ZNF718: variants seen among roughly 807,000 people sequenced by gnomAD.
The protein encoded by ZNF718 is zinc finger protein 718.
A neutral mutation model predicts 2.6 loss-of-function variants in ZNF718; 3 were observed. That is an observed-to-expected ratio of 1.16 (90% CI 0.53 to 3.01). ZNF718 has a LOEUF of 3.01. Ranked by LOEUF, ZNF718 falls within the 30% of genes most tolerant of loss-of-function variation. The pLI is 0.03. For missense variants in ZNF718, 468 were observed against 230.0 expected (o/e 2.03, Z -6.69); for synonymous variants, 135 against 77.9 (o/e 1.73, Z -3.86).
chr4:156,560 G>A (rs1482243043), intron 3 of ZNF718, among the ~76,000 whole-genome samples: 2 of 152,080 alleles, frequency 1.3e-5, no homozygotes, highest in East Asian at 3.9e-4. Flanking sequence ...ACATTGTTAT[G>A]CATTGTATCT....
At chr4:196,421 C>T (rs1717793929) in intron 3 of ZNF718, among the ~76,000 whole-genome samples, 1 of 152,088 alleles carries the variant, frequency 6.6e-6, no homozygotes, top group Non-Finnish European at 1.5e-5. Context: ...TCCTTAGATA[C>T]CTTTGGAGAT....
intron 3 of ZNF718, among the ~76,000 whole-genome samples, chr4:183,748 A>G (rs937200286): frequency 6.6e-6 from 1 of 151,866 alleles, no homozygotes; most frequent in African/African-American, 2.4e-5. Context: ...ATTACTAGGT[A>G]TTGTATTCTT....
intron 3 of ZNF718, among the ~76,000 whole-genome samples, chr4:184,585 C>A (rs145608551): frequency 1.2e-4 from 18 of 152,040 alleles, no homozygotes. Context: ...TCAGTAAGAA[C>A]GCTACCAGCT....
At chr4:145,273 C>T (rs1348972530) in intron 3 of ZNF718, among the ~76,000 whole-genome samples, 1 of 152,158 alleles carries the variant, frequency 6.6e-6, no homozygotes, top group African/African-American at 2.4e-5. Context: ...TCATTGTTTT[C>T]TGACCAGTTA....
Position 170,256 on chromosome 4 carries a change from C to CCT in ZNF718, c.227-30824_227-30823dup, listed in dbSNP as rs567957091. ...GGGCTTCCCTTTGTGGGTAACCCGA[C>CCT]CTTTCTCTCTGGCTGCCCTTAACAT... On this transcript the variant is annotated intron_variant and NMD_transcript_variant, in intron 3 of 4. Transcript: ENST00000642529. Among the ~76,000 whole-genome samples the CCT allele has an allele frequency of 2.4e-3, 372 of 152,268 alleles. 2 individuals carry two copies. Among genetic ancestry groups the CCT allele is most frequent in the African/African-American group, 8.3e-3 (344 of 41,546 alleles).
chr4:185,542 A>G (rs1717550893), intron 3 of ZNF718, among the ~76,000 whole-genome samples: 1 of 152,096 alleles, frequency 6.6e-6, no homozygotes, highest in African/African-American at 2.4e-5. Context: ...CTGAGTTCAC[A>G]TCCTGAAATC....
intron 3 of ZNF718, 113 bp from the exon 4 acceptor site, chr4:160,799 C>T (rs546457516): frequency 1.6e-6 from 1 of 632,708 alleles, no homozygotes; most frequent in South Asian, 2.1e-5. Flanking sequence ...TATTTGCCCA[C>T]CTTGGCCTCG....
intron 3 of ZNF718, among the ~76,000 whole-genome samples, chr4:133,552 T>C (rs1212035185): frequency 6.6e-6 from 1 of 152,204 alleles, no homozygotes; most frequent in Non-Finnish European, 1.5e-5. Flanking sequence ...CTCACACACA[T>C]ACACATACCT....
chr4:156,877 C>T (rs1293903386), intron 3 of ZNF718, among the ~76,000 whole-genome samples: 2 of 152,082 alleles, frequency 1.3e-5, no homozygotes, highest in African/African-American at 4.8e-5. Context: ...TTATTTGCTT[C>T]AGTAACAGTG....
At chr4:152,207 G>A (rs1451133193) in intron 3 of ZNF718, among the ~76,000 whole-genome samples, 3 of 145,382 alleles carry the variant, frequency 2.1e-5, no homozygotes, top group African/African-American at 7.6e-5. Context: ...CCAGGGACAG[G>A]CAGGAGACAG....
intron 3 of ZNF718, among the ~76,000 whole-genome samples, chr4:183,387 A>G (rs951034023): frequency 6.6e-6 from 1 of 151,974 alleles, no homozygotes; most frequent in Non-Finnish European, 1.5e-5. Flanking sequence ...GTACCATGCT[A>G]TTTTGGTTTC....
At position 136,705 on chromosome 4, in the gene ZNF718, A is replaced by C. The variant is rs562200257; in HGVS notation, c.226+5200A>C. Among the ~76,000 whole-genome samples the C allele has an allele frequency of 3.8e-4, 58 of 152,310 alleles. 2 individuals are homozygous for C. The South Asian group carries it at 0.011, about 29-fold the overall frequency. On this transcript the variant is annotated intron_variant, in intron 3 of 3. Transcript: ENST00000510175. The stretch of plus-strand genomic sequence containing the variant: ...AAGTGGAATCATACACTGTCACTTT[A>C]TTAGTATCTTATTTCACTTAAAATA...
chr4:131,078 T>C lies in ZNF718; in HGVS notation c.130+164T>C, dbSNP rs2108779525. On this transcript the variant is annotated intron_variant, in intron 2 of 3. Coordinates refer to ENST00000510175, the MANE Select transcript of ZNF718 (RefSeq NM_001039127.6). Reference sequence around the variant, plus strand: ...ATAAAAAATAAAATCTTTAGGATGTTTCATCTTTACATAAACCTTCTTTTG... The same window carrying C: ...ATAAAAAATAAAATCTTTAGGATGTCTCATCTTTACATAAACCTTCTTTTG... Among the ~76,000 whole-genome samples the C allele has an allele frequency of 1.9e-5, 2 of 104,802 alleles. 1 individual carries two copies. The highest frequency in any genetic ancestry group is 1.0e-3 in the East Asian group (2 of 1,918). 68.8% of individuals were successfully genotyped at this position (104,802 alleles called of 152,430 possible). A position where few individuals can be genotyped will look rare whatever the true frequency, so the allele number is the denominator to read the frequency against.
chr4:200,102 A>G (rs1464106028), intron 3 of ZNF718, among the ~76,000 whole-genome samples: 1 of 152,254 alleles, frequency 6.6e-6, no homozygotes, highest in Non-Finnish European at 1.5e-5. Context: ...GTCAGAAATA[A>G]TTCTGGCATT....
At position 130,903 on chromosome 4, in the gene ZNF718, T is replaced by G. The variant is rs1715334311; in HGVS notation, c.119T>G (p.Leu40Arg). The G allele has an allele frequency of 2.8e-6, 1 of 357,422 alleles. No homozygotes were observed. The highest frequency in any genetic ancestry group is 5.0e-6 in the Non-Finnish European group (1 of 199,010). The allele number at this position is 357,422 out of a possible 1,614,324, so 22.1% of individuals were successfully genotyped here. The stretch of plus-strand genomic sequence containing the variant: ...GTGATGTTGGAGAACTACAGAAACC[T>G]GGTCTCCCTGGGTAAGGATAACTTT... ...RDVMLENYRNLVSLGVSISNP... is the reference protein window; with the variant it reads ...RDVMLENYRNRVSLGVSISNP... Residue 40 changes from leucine to arginine, a missense_variant, in exon 2 of 4, where the codon CTG becomes CGG. Coordinates refer to ENST00000510175, the MANE Select transcript of ZNF718 (RefSeq NM_001039127.6).
intron 3 of ZNF718, among the ~76,000 whole-genome samples, chr4:176,795 A>G (rs1553819138): frequency 6.6e-6 from 1 of 152,192 alleles, no homozygotes; most frequent in Non-Finnish European, 1.5e-5. Flanking sequence ...AAATAGACTC[A>G]TTCTCTTATT....
chr4:149,869 AAAT>A (rs1343240756), intron 3 of ZNF718: 4 of 152,144 alleles, frequency 2.6e-5, no homozygotes, highest in African/African-American at 9.7e-5. Context: ...AAGTAGGTGT[AAAT>A]AATAGTTATA....
intron 3 of ZNF718, among the ~76,000 whole-genome samples, chr4:148,691 G>T (rs1716182338): frequency 6.6e-6 from 1 of 151,288 alleles, no homozygotes; most frequent in African/African-American, 2.4e-5. Flanking sequence ...GGATGTTTCT[G>T]TGGGTCTCTG....
intron 3 of ZNF718, among the ~76,000 whole-genome samples, chr4:194,190 G>A (rs1230214836): frequency 6.6e-6 from 1 of 152,154 alleles, no homozygotes; most frequent in African/African-American, 2.4e-5. Flanking sequence ...TTTTTCTAAT[G>A]TCTGCAGCTG....
Sources: allele counts gnomAD v4.1 joint callset (sites outside exome capture counted in the v4.1 genomes callset), GRCh38; gene constraint gnomAD v4.1.1; transcripts MANE v1.5; gene names NCBI Gene and HGNC (gene_info 2026-07-23, HGNC 2026-07-21).